PDSS2: variants seen among roughly 807,000 people sequenced by gnomAD.
PDSS2 encodes the protein decaprenyl diphosphate synthase subunit 2, also known as all trans-polyprenyl-diphosphate synthase PDSS2.
Under a neutral mutation model 44.5 loss-of-function variants are expected in PDSS2, and 31 were observed. The ratio of observed to expected loss-of-function variants is 0.70; its 90% CI spans 0.52 to 0.94. The LOEUF is 0.94. PDSS2 is among the 40% of genes least tolerant of loss of function. The pLI is 0.00. For synonymous variants in PDSS2, 157 were observed against 180.3 expected (o/e 0.87, Z 1.03); for missense variants, 452 against 482.2 (o/e 0.94, Z 0.59).
At chr6:107,398,780 C>T (rs1477983052) in intron 1 of PDSS2, among the ~76,000 whole-genome samples, 1 of 152,208 alleles carries the variant, frequency 6.6e-6, no homozygotes, top group East Asian at 1.9e-4. Context: ...CCTGCGTGGG[C>T]TCCCCCACCT....
chr6:107,266,597 T>C (rs1193245788), intron 3 of PDSS2, among the ~76,000 whole-genome samples: 1 of 152,186 alleles, frequency 6.6e-6, no homozygotes, highest in African/African-American at 2.4e-5. Context: ...AAATGCAAAT[T>C]TAAAGGTGTA....
intron 1 of PDSS2, among the ~76,000 whole-genome samples, chr6:107,435,273 T>A (rs1343980669): frequency 7.7e-6 from 1 of 130,312 alleles, no homozygotes; most frequent in African/African-American, 2.9e-5. Context: ...AGCAACATAC[T>A]GCCTCAAAAC....
At chr6:107,411,879 C>CT (rs145161415) in intron 1 of PDSS2, among the ~76,000 whole-genome samples, 1,361 of 93,826 alleles carry the variant, frequency 0.015, 34 homozygotes, top group African/African-American at 0.047. Context: ...TCTTCTTCTT[C>CT]TTTTTTTTTT....
At chr6:107,428,965 C>T (rs554234988) in intron 1 of PDSS2, among the ~76,000 whole-genome samples, 36 of 152,296 alleles carry the variant, frequency 2.4e-4, no homozygotes, top group African/African-American at 7.7e-4. Flanking sequence ...AACTGAAGCA[C>T]GCCAAATTGT....
Position 107,374,425 on chromosome 6 carries a change from T to C in PDSS2, c.297-40093A>G, listed in dbSNP as rs574246177. ...CTTTTTAAAGTTTAGCATGTAGTTATGTAGGTTTTATTTAGTTCAATTCCT... is the reference window on the plus strand; with the variant it reads ...CTTTTTAAAGTTTAGCATGTAGTTACGTAGGTTTTATTTAGTTCAATTCCT... On this transcript the variant is annotated intron_variant, in intron 1 of 7. Transcript: ENST00000369037. Among the ~76,000 whole-genome samples the C allele has an allele frequency of 1.6e-4, 24 of 152,334 alleles. No individual in the cohort carries two copies. The East Asian group carries it at 4.1e-3, about 26-fold the overall frequency.
intron 1 of PDSS2, among the ~76,000 whole-genome samples, chr6:107,363,153 G>T (rs1778833668): frequency 6.6e-6 from 1 of 152,182 alleles, no homozygotes; most frequent in Non-Finnish European, 1.5e-5. Context: ...CAAATTTGAT[G>T]AAAACTGTTA....
intron 4 of PDSS2, among the ~76,000 whole-genome samples, chr6:107,215,155 A>G (rs1159501861): frequency 6.6e-6 from 1 of 152,198 alleles, no homozygotes; most frequent in Non-Finnish European, 1.5e-5. Flanking sequence ...AAGAAAAACC[A>G]TATTATCTCT....
intron 6 of PDSS2, among the ~76,000 whole-genome samples, chr6:107,207,458 T>C (rs555637865): frequency 1.1e-3 from 172 of 152,134 alleles, no homozygotes; most frequent in Non-Finnish European, 2.1e-3. Context: ...CCTTGAGATT[T>C]AGGGTGGAAT....
chr6:107,395,956 C>T (rs1327638912), intron 1 of PDSS2, among the ~76,000 whole-genome samples: 1 of 152,158 alleles, frequency 6.6e-6, no homozygotes, highest in Non-Finnish European at 1.5e-5. Flanking sequence ...TTTATGGTGG[C>T]TTAGACTAGT....
chr6:107,223,116 T>C lies in PDSS2; in HGVS notation c.703-10834A>G, dbSNP rs139741618. 3.1e-3 allele frequency among the ~76,000 whole-genome samples: 471 copies of C among 150,892 alleles called. 3 individuals carry two copies. Among genetic ancestry groups the C allele is most frequent in the Non-Finnish European group, 5.3e-3 (359 of 67,962 alleles). ...GGTGTGCGTCACCACACCCAGATAATTTTTTGTATCTTTAGCAGAGGCCAG... is the reference window on the plus strand; with the variant it reads ...GGTGTGCGTCACCACACCCAGATAACTTTTTGTATCTTTAGCAGAGGCCAG... On this transcript the variant is annotated intron_variant, in intron 4 of 7. Coordinates refer to ENST00000369037, the MANE Select transcript of PDSS2 (RefSeq NM_020381.4).
intron 6 of PDSS2, 26 bp downstream of exon 6, chr6:107,210,413 C>A: frequency 6.4e-7 from 1 of 1,558,966 alleles, no homozygotes; most frequent in East Asian, 2.3e-5. Flanking sequence ...CTACTGGTAC[C>A]TAAAACAGGA....
intron 4 of PDSS2, among the ~76,000 whole-genome samples, chr6:107,225,147 A>ATATATATATATT (rs1562389107): frequency 5.6e-5 from 3 of 53,894 alleles, no homozygotes; most frequent in East Asian, 4.1e-4. Flanking sequence ...TTATATATAT[A>ATATATATATATT]TATATATATA....
At position 107,452,003 on chromosome 6, in the gene PDSS2, C is replaced by T. The variant is rs74578938; in HGVS notation, c.296+6987G>A. Among the ~76,000 whole-genome samples the T allele has an allele frequency of 2.3e-3, 354 of 152,002 alleles. 3 individuals carry two copies. Among genetic ancestry groups the T allele is most frequent in the African/African-American group, 8.1e-3 (337 of 41,454 alleles). The stretch of plus-strand genomic sequence containing the variant: ...TACCTTTATAGGTTTTTCTTTTAGC[C>T]CATTTTCTTTTCTTTCTTCTTCTTT... On this transcript the variant is annotated intron_variant, in intron 1 of 7. Coordinates refer to ENST00000369037, the MANE Select transcript of PDSS2 (RefSeq NM_020381.4).
chr6:107,246,221 T>A (rs1414239658), intron 3 of PDSS2, among the ~76,000 whole-genome samples: 1 of 151,978 alleles, frequency 6.6e-6, no homozygotes, highest in Admixed American at 6.6e-5. Flanking sequence ...GCTGAGACTT[T>A]TTTTTTTTGT....
chr6:107,260,362 A>G (rs1266218358), intron 3 of PDSS2, among the ~76,000 whole-genome samples: 1 of 152,338 alleles, frequency 6.6e-6, no homozygotes, highest in South Asian at 2.1e-4. Context: ...CGTATTTACA[A>G]CTTTAAGAAT....
intron 4 of PDSS2, among the ~76,000 whole-genome samples, chr6:107,236,647 C>A (rs765699400): frequency 2.6e-5 from 4 of 152,116 alleles, no homozygotes; most frequent in African/African-American, 9.7e-5. Flanking sequence ...GTGAAGGAAG[C>A]CCTGATCTCA....
intron 1 of PDSS2, among the ~76,000 whole-genome samples, chr6:107,413,939 T>A (rs984881535): frequency 1.3e-5 from 2 of 152,150 alleles, no homozygotes; most frequent in Non-Finnish European, 2.9e-5. Context: ...AAGAGAGCGA[T>A]TCAACATTTA....
chr6:107,355,110 T>C (rs1778556670), intron 1 of PDSS2, among the ~76,000 whole-genome samples: 2 of 152,108 alleles, frequency 1.3e-5, no homozygotes, highest in African/African-American at 4.8e-5. Context: ...TTTTTGTATT[T>C]TTAGTAGAGA....
intron 4 of PDSS2, among the ~76,000 whole-genome samples, chr6:107,237,911 A>AAAAAG (rs1774282769): frequency 6.6e-6 from 1 of 151,546 alleles, no homozygotes; most frequent in African/African-American, 2.4e-5. Context: ...AAAAAAAAAA[A>AAAAAG]AAAAGAAAAG....
Sources: gnomAD v4.1 joint callset for allele counts (sites outside exome capture counted in the v4.1 genomes callset) on GRCh38, gnomAD v4.1.1 for gene constraint, MANE v1.5 for transcripts, NCBI Gene and HGNC (gene_info 2026-07-23, HGNC 2026-07-21) for gene names.